The following CAST variants were observed in gnomAD, a reference collection of about 807,000 sequenced individuals.
CAST encodes the protein MIR583 host.
In CAST, 76 loss-of-function variants were observed where a neutral mutation model predicts 119.6. The ratio of observed to expected loss-of-function variants is 0.64; its 90% CI spans 0.53 to 0.77. The LOEUF is 0.77. Among genes scored for constraint, CAST ranks in the 30% least tolerant of loss-of-function variants. CAST has a pLI of 0.00. For synonymous variants in CAST, 319 were observed against 331.6 expected, an observed-to-expected ratio of 0.96 and a Z score of 0.41; for missense variants, 953 against 946.5, an observed-to-expected ratio of 1.01 and a Z score of -0.09.
chr5:96,109,992 A>G, the CAST span, among the ~76,000 whole-genome samples: 1 of 152,216 alleles, frequency 6.6e-6, no homozygotes, highest in African/African-American at 2.4e-5. Context: ...GGAAATTTAG[A>G]AATTCGGAGT....
chr5:96,338,574 C>T, the CAST span, among the ~76,000 whole-genome samples: 3 of 152,154 alleles, frequency 2.0e-5, no homozygotes, highest in Non-Finnish European at 4.4e-5. Context: ...AACAACTTTG[C>T]TCTGAGATTT....
chr5:96,287,490 A>T, the CAST span, among the ~76,000 whole-genome samples: 548 of 152,246 alleles, frequency 3.6e-3, no homozygotes, highest in Admixed American at 5.6e-3. Context: ...TGTGAGATTG[A>T]TGTGAAATGA....
chr5:96,662,198 G>C (rs557919179), upstream of CAST: 296 of 475,434 alleles, frequency 6.2e-4, 1 homozygote, highest in African/African-American at 5.6e-3. Flanking sequence ...TTAAGTTACA[G>C]GGCAGGAGCC....
At chr5:96,276,840 T>C in the CAST span, among the ~76,000 whole-genome samples, 2 of 152,226 alleles carry the variant, frequency 1.3e-5, no homozygotes, top group Admixed American at 1.3e-4. Context: ...AATTTGCTGA[T>C]AGCATTTTTA....
At chr5:96,431,744 T>A in the CAST span, among the ~76,000 whole-genome samples, 1 of 152,120 alleles carries the variant, frequency 6.6e-6, no homozygotes, top group Non-Finnish European at 1.5e-5. Flanking sequence ...GTCTACAGAA[T>A]CGCCAACGCC....
the CAST span, among the ~76,000 whole-genome samples, chr5:96,308,008 AG>A: frequency 6.6e-6 from 1 of 152,092 alleles, no homozygotes. Context: ...TGCCTTGCTA[AG>A]TTGGGGAAGT....
At chr5:96,532,237 C>A (rs748500480) in intron 1 of CAST, among the ~76,000 whole-genome samples, 1 of 152,036 alleles carries the variant, frequency 6.6e-6, no homozygotes, top group African/African-American at 2.4e-5. Flanking sequence ...AACTGGGAGG[C>A]CTGACTGCAG....
chr5:96,186,190 A>C, the CAST span, among the ~76,000 whole-genome samples: 1 of 152,164 alleles, frequency 6.6e-6, no homozygotes, highest in Non-Finnish European at 1.5e-5. Flanking sequence ...TGATTTTTGC[A>C]CATTGATTTT....
the CAST span, among the ~76,000 whole-genome samples, chr5:96,162,846 G>GAT: frequency 6.6e-6 from 1 of 152,090 alleles, no homozygotes; most frequent in Non-Finnish European, 1.5e-5. Flanking sequence ...ATTGATAAGC[G>GAT]ATATTGGTTT....
chr5:96,598,687 C>T (rs1747095204), intron 1 of CAST, among the ~76,000 whole-genome samples: 1 of 152,184 alleles, frequency 6.6e-6, no homozygotes, highest in Admixed American at 6.5e-5. Context: ...TTTGGTCACA[C>T]ATTATTCTGG....
At chr5:96,676,615 A>G (rs1308951928) in intron 2 of CAST, among the ~76,000 whole-genome samples, 1 of 152,176 alleles carries the variant, frequency 6.6e-6, no homozygotes, top group Non-Finnish European at 1.5e-5. Context: ...AATTTTTTAT[A>G]GCCATGAAAG....
the CAST span, among the ~76,000 whole-genome samples, chr5:95,985,062 C>G: frequency 1.3e-5 from 2 of 152,106 alleles, no homozygotes; most frequent in Admixed American, 1.3e-4. Flanking sequence ...CCTGTAATCC[C>G]AGCACTTTGG....
At chr5:95,993,400 T>A in the CAST span, among the ~76,000 whole-genome samples, 3 of 152,188 alleles carry the variant, frequency 2.0e-5, no homozygotes, top group Non-Finnish European at 4.4e-5. Flanking sequence ...CAGGGGTGAT[T>A]TTGTACTGCA....
intron 1 of CAST, among the ~76,000 whole-genome samples, chr5:96,670,210 T>C (rs149524952): frequency 3.3e-5 from 5 of 152,244 alleles, no homozygotes; most frequent in Non-Finnish European, 5.9e-5. Flanking sequence ...TGTCGCCACA[T>C]TGAAGAAGGA....
chr5:96,234,818 G>GT, the CAST span, among the ~76,000 whole-genome samples: 4 of 152,066 alleles, frequency 2.6e-5, no homozygotes, highest in African/African-American at 9.7e-5. Context: ...TGTGGGTTGT[G>GT]TATGTGTGTA....
the CAST span, among the ~76,000 whole-genome samples, chr5:96,077,330 G>A: frequency 3.2e-4 from 48 of 152,182 alleles, no homozygotes; most frequent in African/African-American, 1.1e-3. Context: ...TTTTTAAAGT[G>A]TATATAGCAT....
the CAST span, among the ~76,000 whole-genome samples, chr5:96,272,941 A>G: frequency 2.6e-5 from 4 of 152,354 alleles, no homozygotes; most frequent in South Asian, 6.2e-4. Flanking sequence ...TTTCATGAAA[A>G]TCAATTATTT....
At chr5:96,588,196 CTTTTTTT>C (rs140665192) in intron 1 of CAST, among the ~76,000 whole-genome samples, 4 of 75,828 alleles carry the variant, frequency 5.3e-5, no homozygotes, top group Admixed American at 4.1e-4. Context: ...TTCTTTCTTT[CTTTTTTT>C]TTTTTTTTTT....
At chr5:96,662,749 A>C (rs1456004778) in intron 1 of CAST, among the ~76,000 whole-genome samples, 1 of 152,128 alleles carries the variant, frequency 6.6e-6, no homozygotes, top group African/African-American at 2.4e-5. Context: ...GCGTCAAGAA[A>C]AGTTGGCTGG....
Sources: gnomAD v4.1 joint callset for allele counts (sites outside exome capture counted in the v4.1 genomes callset) on GRCh38, gnomAD v4.1.1 for gene constraint, MANE v1.5 for transcripts, NCBI Gene and HGNC (gene_info 2026-07-23, HGNC 2026-07-21) for gene names.